EXT1: variants seen among roughly 807,000 people sequenced by gnomAD.
EXT1 encodes exostosin glycosyltransferase 1.
A neutral mutation model predicts 82.5 loss-of-function variants in EXT1; 20 were observed. That is an observed-to-expected ratio of 0.24 (90% CI 0.17 to 0.35). The LOEUF is 0.35. EXT1 is among the 10% of genes least tolerant of loss of function. EXT1 has a pLI of 1.00. For synonymous variants in EXT1, 348 were observed against 350.8 expected, an observed-to-expected ratio of 0.99 and a Z score of 0.09; for missense variants, 757 against 936.5, an observed-to-expected ratio of 0.81 and a Z score of 2.50.
chr8:117,837,251 G>T, intron 1 of EXT1, 50 bp from the exon 2 acceptor site: 1 of 1,477,098 alleles, frequency 6.8e-7, no homozygotes, highest in Non-Finnish European at 9.5e-7. Flanking sequence ...TTGCGAATGT[G>T]GGGATATTGA....
intron 1 of EXT1, among the ~76,000 whole-genome samples, chr8:117,965,575 T>C (rs1167337543): frequency 6.6e-6 from 1 of 152,202 alleles, no homozygotes; most frequent in Non-Finnish European, 1.5e-5. Flanking sequence ...AAGCCAACTT[T>C]AGAACTTAAA....
intron 1 of EXT1, among the ~76,000 whole-genome samples, chr8:117,873,345 A>G (rs148924581): frequency 1.6e-3 from 250 of 152,270 alleles, no homozygotes; most frequent in African/African-American, 5.5e-3. Context: ...ATATATGCAA[A>G]CTTCTTTCTG....
In EXT1 at chr8:117,822,636, CTGA is replaced by C. The variant is rs1415186034; in HGVS notation, c.1285-42_1285-40del. 14 of 1,607,460 alleles carry C rather than the reference CTGA, an allele frequency of 8.7e-6. No individual in the cohort carries two copies. In the African/African-American group the frequency reaches 1.9e-4, roughly 21 times the overall value. On this transcript the variant is annotated intron_variant, in intron 4 of 10. Transcript: ENST00000378204. ...CATAGCACACAGTGAGGATGAGATCCTGATGATATTTGGAAAGGATGATGCTCA... is the reference window on the plus strand; with the variant it reads ...CATAGCACACAGTGAGGATGAGATCCTGATATTTGGAAAGGATGATGCTCA...
At chr8:118,069,508 A>G (rs1482185677) in intron 1 of EXT1, among the ~76,000 whole-genome samples, 1 of 152,200 alleles carries the variant, frequency 6.6e-6, no homozygotes, top group Non-Finnish European at 1.5e-5. Context: ...AGCAGATAAG[A>G]GAGCAAAAAT....
chr8:117,804,959 A>C, intron 9 of EXT1, 66 bp from the exon 10 acceptor site: 2 of 1,447,056 alleles, frequency 1.4e-6, no homozygotes, highest in Non-Finnish European at 1.9e-6. Flanking sequence ...GACTTCTGAG[A>C]CAGAAAACAC....
intron 9 of EXT1, 124 bp from the exon 10 acceptor site, chr8:117,805,017 T>C: frequency 1.3e-6 from 1 of 772,706 alleles, no homozygotes. Context: ...GTAATGATAA[T>C]GATGATGATG....
intron 1 of EXT1, among the ~76,000 whole-genome samples, chr8:118,017,215 A>G (rs1321057171): frequency 6.6e-6 from 1 of 152,112 alleles, no homozygotes; most frequent in African/African-American, 2.4e-5. Flanking sequence ...TACTAAGTAA[A>G]ACCTACCTCA....
chr8:117,911,090 T>C (rs1372718995), intron 1 of EXT1, among the ~76,000 whole-genome samples: 1 of 152,204 alleles, frequency 6.6e-6, no homozygotes. Flanking sequence ...ACCTTCAGCA[T>C]CCTCAGCTGT....
At chr8:117,950,953 G>A (rs888090767) in intron 1 of EXT1, among the ~76,000 whole-genome samples, 2 of 152,100 alleles carry the variant, frequency 1.3e-5, no homozygotes, top group Non-Finnish European at 2.9e-5. Flanking sequence ...TATAACCAAA[G>A]AGGCAAATTA....
intron 1 of EXT1, among the ~76,000 whole-genome samples, chr8:117,989,892 G>A (rs1055452057): frequency 7.2e-5 from 11 of 152,214 alleles, no homozygotes; most frequent in Non-Finnish European, 1.0e-4. Flanking sequence ...AAAAGCAAAT[G>A]ATCCCTTAGA....
Position 117,797,230 on chromosome 8 carries a change from T to G in EXT1, c.*2482A>C, listed in dbSNP as rs1823100292. 1 of 152,240 alleles carries G rather than the reference T, an allele frequency of 6.6e-6. No individual in the cohort carries two copies. 9.4% of individuals were successfully genotyped at this position (152,240 alleles called of 1,614,324 possible). A position where few individuals can be genotyped will look rare whatever the true frequency, so the allele number is the denominator to read the frequency against. On this transcript the variant is annotated 3_prime_UTR_variant, in exon 11 of 11. Transcript: ENST00000378204. ...GTTAAGCATTGTTCTATTCCCAGCC[T>G]TATATTCCAAATGGGAGAAGAACAC...
At chr8:117,969,701 G>A (rs1218799050) in intron 1 of EXT1, among the ~76,000 whole-genome samples, 5 of 152,166 alleles carry the variant, frequency 3.3e-5, no homozygotes, top group African/African-American at 9.7e-5. Context: ...GTGTGCGCGC[G>A]CACGCGTGTA....
chr8:117,830,300 C>G lies in EXT1; in HGVS notation c.1214G>C (p.Arg405Thr), dbSNP rs1812077443. The change falls in exon 4 of 11, where the codon AGA becomes ACA. Residue 405 changes from arginine (R) to threonine (T), a missense_variant. Arg to Thr is a moderately conservative substitution (Grantham distance 71, BLOSUM62 -1). This residue lies in a region of EXT1 where 207 missense variants were observed against 224.2 expected (regional missense o/e 0.92). Coordinates refer to ENST00000378204, the MANE Select transcript of EXT1 (RefSeq NM_000127.3). Reference sequence around the variant, plus strand: ...CTCCCACAAGAATTGTGTCTGCTGTCTAAGTGCTAGGATTTTATCCTGATG... The same window carrying G: ...CTCCCACAAGAATTGTGTCTGCTGTGTAAGTGCTAGGATTTTATCCTGATG... Reference protein sequence around the residue: ...SIHQDKILALRQQTQFLWEAY... With the variant: ...SIHQDKILALTQQTQFLWEAY... 6.2e-7 allele frequency: 1 copy of G among 1,614,084 alleles called. No individual in the cohort carries two copies. The highest frequency in any genetic ancestry group is 1.3e-5 in the African/African-American group (1 of 75,066).
rs566872697 is a variant in EXT1 at position 117,831,009 on chromosome 8, T to C, written c.1165-660A>G. Among the ~76,000 whole-genome samples the C allele has an allele frequency of 2.6e-4, 39 of 152,368 alleles. No individual in the cohort carries two copies. The South Asian group carries it at 7.7e-3, about 30-fold the overall frequency. On this transcript the variant is annotated intron_variant, in intron 3 of 10. Coordinates refer to ENST00000378204, the MANE Select transcript of EXT1 (RefSeq NM_000127.3). The stretch of plus-strand genomic sequence containing the variant: ...GGTATACAATTTTAAAGGAAGGACC[T>C]ATATCTTGTTATCCTGCTACACATT...
intron 7 of EXT1, 103 bp downstream of exon 7, chr8:117,818,332 T>C: frequency 1.1e-6 from 1 of 900,546 alleles, no homozygotes; most frequent in East Asian, 2.4e-5. Flanking sequence ...GAAAAAATAA[T>C]CCAGGAACAG....
chr8:117,964,623 G>GTTTGTT (rs1334901183), intron 1 of EXT1, among the ~76,000 whole-genome samples: 14 of 149,730 alleles, frequency 9.4e-5, no homozygotes, highest in African/African-American at 1.3e-4. Flanking sequence ...GTGTGTGTGT[G>GTTTGTT]TGTTTGTTTG....
At chr8:117,815,465 T>C (rs953486842) in intron 7 of EXT1, among the ~76,000 whole-genome samples, 4 of 152,336 alleles carry the variant, frequency 2.6e-5, no homozygotes, top group Middle Eastern at 3.4e-3. Flanking sequence ...CGAATTCTCA[T>C]GCAGAAATGA....
chr8:118,012,262 A>C (rs1447119224), intron 1 of EXT1, among the ~76,000 whole-genome samples: 3 of 152,266 alleles, frequency 2.0e-5, no homozygotes. Flanking sequence ...AGCCTTGCTG[A>C]AAGTTTCCAC....
intron 1 of EXT1, among the ~76,000 whole-genome samples, chr8:117,994,750 G>C (rs548652673): frequency 1.3e-5 from 2 of 152,288 alleles, no homozygotes; most frequent in African/African-American, 4.8e-5. Context: ...TAATTTGCTA[G>C]AGAAAATGCT....
Sources: allele counts gnomAD v4.1 joint callset (sites outside exome capture counted in the v4.1 genomes callset), GRCh38; gene constraint gnomAD v4.1.1; regional missense constraint gnomAD v4.1.1; transcripts MANE v1.5; gene names NCBI Gene and HGNC (gene_info 2026-07-23, HGNC 2026-07-21).